Variants in IMPA2 observed in about 807,000 individuals in gnomAD.
IMPA2 encodes IMP 2.
A neutral mutation model predicts 35.1 loss-of-function variants in IMPA2; 32 were observed. The observed-to-expected ratio is 0.91, with a 90% CI of 0.69 to 1.23. IMPA2 has a LOEUF of 1.23. Among genes scored for constraint, IMPA2 ranks in the 50% most tolerant of loss-of-function variants. The pLI, the probability that IMPA2 is intolerant of heterozygous loss-of-function variation, is 0.00. For missense variants in IMPA2, 334 were observed against 387.6 expected (o/e 0.86, Z 1.16); for synonymous variants, 135 against 160.6 (o/e 0.84, Z 1.20).
chr18:12,015,145 T>A (rs1235088333), intron 5 of IMPA2, among the ~76,000 whole-genome samples: 1 of 152,164 alleles, frequency 6.6e-6, no homozygotes, highest in Non-Finnish European at 1.5e-5. Context: ...AGCTCCATAA[T>A]ACCTGCATGT....
chr18:12,015,528 T>C (rs1248618506), intron 5 of IMPA2, among the ~76,000 whole-genome samples: 1 of 152,160 alleles, frequency 6.6e-6, no homozygotes, highest in African/African-American at 2.4e-5. Context: ...GGCCCGCCAC[T>C]GTGTGAGGGA....
At chr18:12,004,349 T>A (rs143302495) in intron 2 of IMPA2, among the ~76,000 whole-genome samples, 340 of 152,336 alleles carry the variant, frequency 2.2e-3, no homozygotes, top group African/African-American at 6.7e-3. Flanking sequence ...TTGTTAAAAC[T>A]ATTTTTTAAA....
intron 5 of IMPA2, among the ~76,000 whole-genome samples, chr18:12,025,544 G>A (rs1208259649): frequency 1.3e-5 from 2 of 152,190 alleles, no homozygotes; most frequent in African/African-American, 4.8e-5. Context: ...GTTGTAGTTA[G>A]TGTTGTTTCT....
chr18:12,030,533 C>A lies in IMPA2; in HGVS notation c.*75C>A. The A allele has an allele frequency of 8.5e-7, 1 of 1,177,218 alleles. No homozygotes were observed. The highest frequency in any genetic ancestry group is 1.3e-6 in the Non-Finnish European group (1 of 790,702). 72.9% of individuals were successfully genotyped at this position (1,177,218 alleles called of 1,614,324 possible). ...CTCCTGGGGAGGTGGCCCTCGTGGC[C>A]CACGCTCCATGCCAGTGGCTCACGC... On this transcript the variant is annotated 3_prime_UTR_variant, in exon 8 of 8. Transcript: ENST00000269159.
chr18:12,008,467 G>A (rs903419521), intron 2 of IMPA2: 1 of 484,294 alleles, frequency 2.1e-6, no homozygotes, highest in Non-Finnish European at 4.1e-6. Flanking sequence ...TAGTGAACTT[G>A]GGACAGTCCA....
At chr18:12,014,856 C>G (rs1045733589) in intron 5 of IMPA2, among the ~76,000 whole-genome samples, 1 of 152,278 alleles carries the variant, frequency 6.6e-6, no homozygotes. Flanking sequence ...CACCTTAGCC[C>G]CTCTGCAGTT....
chr18:12,020,516 T>G (rs1031361325), intron 5 of IMPA2, among the ~76,000 whole-genome samples: 6 of 152,022 alleles, frequency 3.9e-5, no homozygotes. Context: ...TGTAGAAGAG[T>G]TTTCTTGAAT....
rs905323257 is a variant in IMPA2, at chr18:12,027,919, C to T, written c.491-124C>T. On this transcript the variant is annotated intron_variant, in intron 5 of 7. Transcript: ENST00000269159. Reference sequence around the variant, plus strand: ...TCAACATAGATATCAAAAAAGCATTCAGCATGAACCAGTCGAAAGATGATC... The same window carrying T: ...TCAACATAGATATCAAAAAAGCATTTAGCATGAACCAGTCGAAAGATGATC... 16 of 632,692 alleles carry T rather than the reference C, an allele frequency of 2.5e-5. No individual in the cohort carries two copies. In the Middle Eastern group the frequency reaches 8.8e-4, roughly 35 times the overall value. The allele number at this position is 632,692 out of a possible 1,614,324, so 39.2% of individuals were successfully genotyped here.
In IMPA2 at chr18:12,010,709, C is replaced by T. The variant is rs1223375798; in HGVS notation, c.335+722C>T. Among the ~76,000 whole-genome samples the T allele has an allele frequency of 6.6e-6, 1 of 152,190 alleles. No individual in the cohort carries two copies. Among genetic ancestry groups the T allele is most frequent in the East Asian group, 1.9e-4 (1 of 5,178 alleles). On this transcript the variant is annotated intron_variant, in intron 3 of 7. Coordinates refer to ENST00000269159, the MANE Select transcript of IMPA2 (RefSeq NM_014214.3). The surrounding 1 kb of genome is among the most constrained non-coding windows in gnomAD (Gnocchi z 4.8). ...CATTCCATGGGCGGGTGGCTTGCAG[C>T]TCCTGCGCTCACAGTGCACGCCAGC...
At chr18:12,008,627 C>CTG in intron 2 of IMPA2, 1 of 450,182 alleles carries the variant, frequency 2.2e-6, no homozygotes, top group Non-Finnish European at 4.5e-6. Context: ...AGCATCTTCC[C>CTG]TGTGTGTGTG....
At chr18:12,021,725 C>G (rs1907736589) in intron 5 of IMPA2, 1 of 152,228 alleles carries the variant, frequency 6.6e-6, no homozygotes, top group Non-Finnish European at 1.5e-5. Context: ...CCATGCTGCC[C>G]AGGCTGGTCT....
At chr18:12,001,363 A>T (rs1907111267) in intron 2 of IMPA2, among the ~76,000 whole-genome samples, 2 of 152,122 alleles carry the variant, frequency 1.3e-5, no homozygotes. Flanking sequence ...ATATTGGCCT[A>T]GAGGTTTCTG....
intron 1 of IMPA2, among the ~76,000 whole-genome samples, chr18:11,992,987 A>G (rs1906858829): frequency 6.6e-6 from 1 of 152,240 alleles, no homozygotes. Context: ...CAACGTGTAC[A>G]TTGTATGTAC....
At chr18:12,002,991 G>A (rs901558505) in intron 2 of IMPA2, among the ~76,000 whole-genome samples, 9 of 151,738 alleles carry the variant, frequency 5.9e-5, no homozygotes, top group East Asian at 1.9e-4. Flanking sequence ...TCAGGAGTTC[G>A]AGACCAGCCT....
intron 1 of IMPA2, among the ~76,000 whole-genome samples, chr18:11,987,129 G>A (rs1906688487): frequency 6.6e-6 from 1 of 152,172 alleles, no homozygotes; most frequent in African/African-American, 2.4e-5. Flanking sequence ...TGTGTTGGAA[G>A]CCCAAGAGGG....
intron 1 of IMPA2, among the ~76,000 whole-genome samples, chr18:11,994,643 T>A (rs552033280): frequency 6.6e-6 from 1 of 152,198 alleles, no homozygotes; most frequent in Non-Finnish European, 1.5e-5. Context: ...CTTCTAGCAT[T>A]TAGTTAACTG....
intron 1 of IMPA2, among the ~76,000 whole-genome samples, chr18:11,984,205 G>A (rs1179578727): frequency 6.6e-6 from 1 of 152,086 alleles, no homozygotes; most frequent in African/African-American, 2.4e-5. Context: ...GTTCTGGCAG[G>A]CTTCCCTGTC....
At position 12,010,162 on chromosome 18, in the gene IMPA2, C is replaced by T. The variant is rs1175216018; in HGVS notation, c.335+175C>T. On this transcript the variant is annotated intron_variant, in intron 3 of 7. Coordinates refer to ENST00000269159, the MANE Select transcript of IMPA2 (RefSeq NM_014214.3). The surrounding 1 kb of genome is among the most constrained non-coding windows in gnomAD (Gnocchi z 4.8). The stretch of plus-strand genomic sequence containing the variant: ...TTGATATTTTTAAAATAAGGTTTTC[C>T]GTTTGTGAGAGGCTCTTGGAGTATG... The T allele has an allele frequency of 1.3e-5, 7 of 523,530 alleles. No individual in the cohort carries two copies. Among genetic ancestry groups the T allele is most frequent in the Admixed American group, 3.6e-5 (1 of 27,916 alleles). 32.4% of individuals were successfully genotyped at this position (523,530 alleles called of 1,614,324 possible).
At chr18:11,993,825 A>G (rs1244596858) in intron 1 of IMPA2, among the ~76,000 whole-genome samples, 1 of 152,140 alleles carries the variant, frequency 6.6e-6, no homozygotes, top group African/African-American at 2.4e-5. Context: ...AGGACACTCG[A>G]GGGGGCTTGA....
Sources: gnomAD v4.1 joint callset for allele counts (sites outside exome capture counted in the v4.1 genomes callset) on GRCh38, gnomAD v4.1.1 for gene constraint, Gnocchi (gnomAD v3.1) non-coding constraint, MANE v1.5 for transcripts, NCBI Gene and HGNC (gene_info 2026-07-23, HGNC 2026-07-21) for gene names.